Variants in CSN2 observed in about 807,000 individuals in gnomAD.
CSN2 encodes beta-casein.
Under a neutral mutation model 27.3 loss-of-function variants are expected in CSN2, and 27 were observed. The observed-to-expected ratio is 0.99, with a 90% CI of 0.73 to 1.36. The LOEUF (loss-of-function observed/expected upper bound fraction) is 1.36, where lower values mean the gene tolerates loss of function less well. Ranked by LOEUF, CSN2 falls within the 40% of genes most tolerant of loss-of-function variation. CSN2 has a pLI of 0.00. For synonymous variants in CSN2, 131 were observed against 94.8 expected (o/e 1.38, Z -2.22); for missense variants, 333 against 264.5 (o/e 1.26, Z -1.80).
In CSN2 at chr4:69,959,996, C is replaced by A. The variant is rs1723519148; in HGVS notation, c.78+57G>T. 4.6e-6 allele frequency: 7 copies of A among 1,507,386 alleles called. No homozygotes were observed. In the South Asian group the frequency reaches 8.0e-5, roughly 17 times the overall value. The allele number at this position is 1,507,386 out of a possible 1,614,324, so 93.4% of individuals were successfully genotyped here. A position where few individuals can be genotyped will look rare whatever the true frequency, so the allele number is the denominator to read the frequency against. On this transcript the variant is annotated intron_variant, in intron 3 of 7. Coordinates refer to ENST00000353151, the MANE Select transcript of CSN2 (RefSeq NM_001891.4). ...TAGCTTAACTGCCATGATGTAACAC[C>A]ATAGAAAAATAGCACAGGATTTTAC...
Position 69,960,087 on chromosome 4 carries a change from A to T in CSN2, c.52-8T>A. On this transcript the variant is annotated splice_region_variant and splice_polypyrimidine_tract_variant and intron_variant, in intron 2 of 7. Transcript: ENST00000353151. ...TGAAAGGCTTTCTATGGTCTGTGGG[A>T]AAAAAAAATTGACAACCAGCTAAAT... 3.8e-6 allele frequency: 6 copies of T among 1,582,842 alleles called. No homozygotes were observed. The highest frequency in any genetic ancestry group is 5.2e-6 in the Non-Finnish European group (6 of 1,158,256).
rs371790632 is a variant in CSN2, at chr4:69,960,945, C to G, written c.51G>C (p.Glu17Asp). The G allele has an allele frequency of 1.9e-6, 3 of 1,612,354 alleles. No homozygotes were observed. Among genetic ancestry groups the G allele is most frequent in the Non-Finnish European group, 2.5e-6 (3 of 1,178,876 alleles). The change falls in exon 2 of 8, where the codon GAG (glutamate) becomes GAC (aspartate). Residue 17 changes from glutamate to aspartate, a missense_variant and splice_region_variant. By Grantham distance (45) the Glu-to-Asp change is conservative. Transcript: ENST00000353151. ...ACLVALALAR[E>D]TIESLSSSEE... Reference sequence around the variant, plus strand: ...TAGGAATTTTTTCTTGTGCACATACCTCCCTTGCAAGAGCAAGAGCCACCA... The same window carrying G: ...TAGGAATTTTTTCTTGTGCACATACGTCCCTTGCAAGAGCAAGAGCCACCA...
chr4:69,959,745 G>T (rs1325887901), intron 3 of CSN2, among the ~76,000 whole-genome samples: 1 of 151,798 alleles, frequency 6.6e-6, no homozygotes, highest in Non-Finnish European at 1.5e-5. Context: ...CCCATAGAAG[G>T]CCGTCAGTAT....
intron 2 of CSN2, 52 bp from the exon 3 acceptor site, chr4:69,960,131 AT>A: frequency 6.6e-7 from 1 of 1,513,084 alleles, no homozygotes; most frequent in Non-Finnish European, 9.2e-7. Context: ...TCATTAGAGA[AT>A]TTTACTATTT....
intron 1 of CSN2, among the ~76,000 whole-genome samples, chr4:69,963,862 A>G (rs1324514252): frequency 6.6e-6 from 1 of 152,154 alleles, no homozygotes; most frequent in Non-Finnish European, 1.5e-5. Context: ...TGAACAAAAT[A>G]TTACAGTCCT....
chr4:69,965,408 C>CTATATATATA lies in CSN2; in HGVS notation c.-13+263_-13+272dup, dbSNP rs756206077. ...ATATTAACTATGAACTAGCCTCATA[C>CTATATATATA]TATATATATATATATATATATATAT... On this transcript the variant is annotated intron_variant, in intron 1 of 7. Coordinates refer to ENST00000353151, the MANE Select transcript of CSN2 (RefSeq NM_001891.4). 2.3e-3 allele frequency among the ~76,000 whole-genome samples: 203 copies of CTATATATATA among 88,084 alleles called. 8 individuals are homozygous for CTATATATATA. Among genetic ancestry groups the CTATATATATA allele is most frequent in the Non-Finnish European group, 2.6e-3 (124 of 46,876 alleles). The allele number at this position is 88,084 out of a possible 152,430, so 57.8% of individuals were successfully genotyped here.
Position 69,957,398 on chromosome 4 carries a change from A to C in CSN2, c.551T>G (p.Val184Gly). The part of the protein sequence containing the change: ...PKVLPIPQQV[V>G]PYPQRAVPVQ... ...AGGCACAGCTCTCTGAGGGTAGGGC[A>C]CCACTTGCTGGGGGATAGGCAGGAC... Residue 184 changes from valine (V) to glycine (G), a missense_variant, in exon 6 of 8, where the codon GTG becomes GGG. Coordinates refer to ENST00000353151, the MANE Select transcript of CSN2 (RefSeq NM_001891.4). 1.2e-6 allele frequency: 2 copies of C among 1,613,666 alleles called. No individual in the cohort carries two copies.
intron 6 of CSN2, among the ~76,000 whole-genome samples, chr4:69,956,650 AAG>A (rs1723406590): frequency 6.6e-6 from 1 of 152,184 alleles, no homozygotes; most frequent in Non-Finnish European, 1.5e-5. Context: ...GCTTGTGTAA[AAG>A]AGATGTGCAC....
At chr4:69,962,163 G>A (rs1363447015) in intron 1 of CSN2, among the ~76,000 whole-genome samples, 7 of 152,044 alleles carry the variant, frequency 4.6e-5, no homozygotes, top group African/African-American at 1.7e-4. Context: ...ACTGCCCAAG[G>A]TAATTTATAG....
At chr4:69,958,991 G>A (rs540609002) in intron 4 of CSN2, 38 bp from the exon 5 acceptor site, 2 of 1,561,772 alleles carry the variant, frequency 1.3e-6, no homozygotes, top group African/African-American at 1.4e-5. Context: ...GTTACCATCT[G>A]TAAAGATTAA....
At chr4:69,961,103 G>C (rs1723565422) in intron 1 of CSN2, 96 bp from the exon 2 acceptor site, 1 of 698,926 alleles carries the variant, frequency 1.4e-6, no homozygotes, top group Non-Finnish European at 2.4e-6. Flanking sequence ...AAAAAAAAAA[G>C]AGAGATAATA....
chr4:69,957,796 G>A lies in CSN2; in HGVS notation c.153C>T (p.His51=), dbSNP rs150033877. 1,623 of 1,611,658 alleles carry A rather than the reference G, an allele frequency of 1.0e-3. 4 individuals are homozygous for A. The Middle Eastern group carries it at 0.014, about 13-fold the overall frequency. Reference sequence around the variant, plus strand: ...GGAAAGAGGGGTAGATTTTATCCTGGTGTTCATCCTGGAAAGAAGGAAAAA... The same window carrying A: ...GGAAAGAGGGGTAGATTTTATCCTGATGTTCATCCTGGAAAGAAGGAAAAA... ...HEDQQQGEDE[H]QDKIYPSFQP... The change falls in exon 6 of 8, where the codon CAC becomes CAT. Residue 51 remains histidine, a synonymous_variant. Transcript: ENST00000353151.
Position 69,957,643 on chromosome 4 carries a change from A to G in CSN2, c.306T>C (p.Pro102=). 1 of 1,613,958 alleles carries G rather than the reference A, an allele frequency of 6.2e-7. No homozygotes were observed. Among genetic ancestry groups the G allele is most frequent in the Middle Eastern group, 1.7e-4 (1 of 6,058 alleles). Residue 102 remains proline (P), a synonymous_variant, in exon 6 of 8, where the codon CCT becomes CCC. Coordinates refer to ENST00000353151, the MANE Select transcript of CSN2 (RefSeq NM_001891.4). ...PVPQPEIMEV[P]KAKDTVYTKG... ...TAGTGTAGACAGTGTCTTTAGCTTT[A>G]GGGACTTCCATTATTTCAGGCTGAG... is the stretch of plus-strand genomic sequence containing the variant.
chr4:69,958,909 C>T lies in CSN2; in HGVS notation c.144G>A (p.Glu48=), dbSNP rs1159809187. ...KVKHEDQQQG[E]DEHQDKIYPS... is the part of the protein sequence containing the mutation. Reference sequence around the variant, plus strand: ...CATATACTTATCATTAACAAATTACCTCTCCTTGCTGCTGGTCCTCATGTT... The same window carrying T: ...CATATACTTATCATTAACAAATTACTTCTCCTTGCTGCTGGTCCTCATGTT... Residue 48 remains glutamate, a splice_region_variant and synonymous_variant, in exon 5 of 8, where the codon GAG becomes GAA. Coordinates refer to ENST00000353151, the MANE Select transcript of CSN2 (RefSeq NM_001891.4). The T allele has an allele frequency of 1.3e-6, 2 of 1,578,686 alleles. No individual in the cohort carries two copies. The highest frequency in any genetic ancestry group is 1.7e-6 in the Non-Finnish European group (2 of 1,153,584).
chr4:69,961,417 G>C (rs941560661), intron 1 of CSN2, among the ~76,000 whole-genome samples: 2 of 152,128 alleles, frequency 1.3e-5, no homozygotes, highest in Admixed American at 6.6e-5. Flanking sequence ...GGGATGCAAG[G>C]CTGGTTCAAC....
intron 1 of CSN2, among the ~76,000 whole-genome samples, chr4:69,963,590 G>T (rs113522504): frequency 1.1e-4 from 16 of 151,888 alleles, no homozygotes; most frequent in Non-Finnish European, 1.8e-4. Context: ...CTGTTGTGGG[G>T]TGGGGGGAGT....
At chr4:69,964,173 T>C (rs917611876) in intron 1 of CSN2, among the ~76,000 whole-genome samples, 7 of 152,148 alleles carry the variant, frequency 4.6e-5, no homozygotes, top group Non-Finnish European at 8.8e-5. Context: ...CTTTAGATAT[T>C]GTACACTAGG....
In CSN2 at chr4:69,956,358, T is replaced by C. The variant is rs764054815; in HGVS notation, c.676-3A>G. ...TTAACTTTGAAATCTTCTTAGACCTTAAAAATAAACAGATACAAATAAATA... is the reference window on the plus strand; with the variant it reads ...TTAACTTTGAAATCTTCTTAGACCTCAAAAATAAACAGATACAAATAAATA... On this transcript the variant is annotated splice_polypyrimidine_tract_variant and splice_region_variant and intron_variant, in intron 6 of 7. Coordinates refer to ENST00000353151, the MANE Select transcript of CSN2 (RefSeq NM_001891.4). 2.1e-6 allele frequency: 3 copies of C among 1,420,174 alleles called. No individual in the cohort carries two copies. The highest frequency in any genetic ancestry group is 5.3e-5 in the East Asian group (2 of 37,736). The allele number at this position is 1,420,174 out of a possible 1,614,324, so 88.0% of individuals were successfully genotyped here.
At position 69,959,142 on chromosome 4, in the gene CSN2, A is replaced by G. The variant is rs111785757; in HGVS notation, c.79-73T>C. On this transcript the variant is annotated intron_variant, in intron 3 of 7. Coordinates refer to ENST00000353151, the MANE Select transcript of CSN2 (RefSeq NM_001891.4). ...ACTTTGCAATATAAATCAGGAAATAAAGGCATTAATTCTTTGATAATATCA... is the reference window on the plus strand; with the variant it reads ...ACTTTGCAATATAAATCAGGAAATAGAGGCATTAATTCTTTGATAATATCA... 1,582 of 1,082,102 alleles carry G rather than the reference A, an allele frequency of 1.5e-3. 18 individuals are homozygous for G. In the African/African-American group the frequency reaches 0.024, roughly 16 times the overall value. The allele number at this position is 1,082,102 out of a possible 1,614,324, so 67.0% of individuals were successfully genotyped here. A position where few individuals can be genotyped will look rare whatever the true frequency, so the allele number is the denominator to read the frequency against.
Sources: allele counts gnomAD v4.1 joint callset (sites outside exome capture counted in the v4.1 genomes callset), GRCh38; gene constraint gnomAD v4.1.1; transcripts MANE v1.5; gene names NCBI Gene and HGNC (gene_info 2026-07-23, HGNC 2026-07-21).